The following KCNK10 variants were observed in gnomAD, a reference collection of about 807,000 sequenced individuals.
KCNK10 encodes potassium two pore domain channel subfamily K member 10.
A neutral mutation model predicts 47.7 loss-of-function variants in KCNK10; 25 were observed. The ratio of observed to expected loss-of-function variants is 0.52; its 90% CI spans 0.38 to 0.73. KCNK10 has a LOEUF of 0.73. Among genes scored for constraint, KCNK10 ranks in the 30% least tolerant of loss-of-function variants. The pLI, the probability that KCNK10 is intolerant of heterozygous loss-of-function variation, is 0.00. For synonymous variants in KCNK10, 303 were observed against 285.6 expected, an observed-to-expected ratio of 1.06 and a Z score of -0.61; for missense variants, 563 against 714.5, an observed-to-expected ratio of 0.79 and a Z score of 2.42.
intron 2 of KCNK10, among the ~76,000 whole-genome samples, chr14:88,253,044 G>C (rs1886843648): frequency 6.6e-6 from 1 of 152,162 alleles, no homozygotes; most frequent in Non-Finnish European, 1.5e-5. Context: ...CTCAAGTCCT[G>C]CTTTGGTCAC....
chr14:88,223,308 CTT>C (rs77234836), intron 4 of KCNK10, among the ~76,000 whole-genome samples: 96 of 134,806 alleles, frequency 7.1e-4, no homozygotes, highest in Non-Finnish European at 7.6e-4. Context: ...CTTTAAAAAC[CTT>C]TTTTTTTTTT....
At chr14:88,311,488 C>T (rs1245147518) in intron 1 of KCNK10, among the ~76,000 whole-genome samples, 21 of 152,158 alleles carry the variant, frequency 1.4e-4, no homozygotes, top group African/African-American at 4.8e-4. Flanking sequence ...GGCTCTCTTT[C>T]CTGTGCCTCA....
chr14:88,210,718 TC>T (rs1468796807), intron 4 of KCNK10, among the ~76,000 whole-genome samples: 1 of 151,362 alleles, frequency 6.6e-6, no homozygotes, highest in Non-Finnish European at 1.5e-5. Flanking sequence ...GCACAGCCTC[TC>T]CACTTAGTCC....
At chr14:88,267,884 C>CTGGG (rs1887305790) in intron 1 of KCNK10, among the ~76,000 whole-genome samples, 1 of 152,124 alleles carries the variant, frequency 6.6e-6, no homozygotes, top group Admixed American at 6.5e-5. Context: ...TGATGGCCTA[C>CTGGG]TGGGCACTTA....
chr14:88,286,245 C>T (rs542723273), intron 1 of KCNK10, among the ~76,000 whole-genome samples: 16 of 152,240 alleles, frequency 1.1e-4, no homozygotes, highest in South Asian at 2.1e-4. Context: ...AGGCCCCAGA[C>T]GTTGCAGAAT....
chr14:88,268,551 G>A (rs562660693), intron 1 of KCNK10, among the ~76,000 whole-genome samples: 2 of 152,350 alleles, frequency 1.3e-5, no homozygotes, highest in South Asian at 2.1e-4. Flanking sequence ...GTAGGAACAG[G>A]AAAAGAGGAA....
intron 4 of KCNK10, among the ~76,000 whole-genome samples, chr14:88,224,493 C>T (rs1286627217): frequency 6.6e-6 from 1 of 152,168 alleles, no homozygotes; most frequent in African/African-American, 2.4e-5. Flanking sequence ...CTAAGTAATC[C>T]AATATCCCTC....
At chr14:88,221,870 C>T (rs147253867) in intron 4 of KCNK10, among the ~76,000 whole-genome samples, 4 of 152,214 alleles carry the variant, frequency 2.6e-5, no homozygotes, top group African/African-American at 9.6e-5. Flanking sequence ...TATTCACCAC[C>T]CAGCAGAAAT....
chr14:88,218,575 A>G (rs1043453130), intron 4 of KCNK10, among the ~76,000 whole-genome samples: 4 of 152,066 alleles, frequency 2.6e-5, no homozygotes, highest in Non-Finnish European at 5.9e-5. Flanking sequence ...GAAAAAGAAA[A>G]AAAAAAAAAG....
intron 2 of KCNK10, among the ~76,000 whole-genome samples, chr14:88,242,623 G>A (rs1351676930): frequency 6.6e-6 from 1 of 152,194 alleles, no homozygotes; most frequent in Non-Finnish European, 1.5e-5. Flanking sequence ...GGCTGCATGG[G>A]ATGTGTACAG....
chr14:88,245,651 T>C (rs1358590358), intron 2 of KCNK10, among the ~76,000 whole-genome samples: 3 of 149,970 alleles, frequency 2.0e-5, no homozygotes, highest in Non-Finnish European at 2.9e-5. Context: ...TGAGATCATC[T>C]GTTTCTCTGT....
At chr14:88,294,016 C>T (rs1887934202) in intron 1 of KCNK10, among the ~76,000 whole-genome samples, 1 of 152,122 alleles carries the variant, frequency 6.6e-6, no homozygotes, top group South Asian at 2.1e-4. Context: ...CTACATCATT[C>T]TCTCAGCATC....
chr14:88,247,233 A>G (rs1886669537), intron 2 of KCNK10, among the ~76,000 whole-genome samples: 1 of 152,084 alleles, frequency 6.6e-6, no homozygotes, highest in Non-Finnish European at 1.5e-5. Flanking sequence ...CCAGCCTGGG[A>G]CACCCAGCTA....
At chr14:88,297,815 A>G (rs964770560) in intron 1 of KCNK10, among the ~76,000 whole-genome samples, 4 of 152,236 alleles carry the variant, frequency 2.6e-5, no homozygotes, top group African/African-American at 9.6e-5. Context: ...AAATAGATAA[A>G]TTAAAAAACA....
intron 4 of KCNK10, among the ~76,000 whole-genome samples, chr14:88,212,448 GAAA>G: frequency 6.9e-6 from 1 of 144,772 alleles, no homozygotes; most frequent in Non-Finnish European, 1.5e-5. Context: ...CTCAAAAAAA[GAAA>G]AAAAAAAGAT....
intron 1 of KCNK10, among the ~76,000 whole-genome samples, chr14:88,321,924 T>C (rs956195255): frequency 6.6e-6 from 1 of 152,250 alleles, no homozygotes; most frequent in Admixed American, 6.5e-5. Flanking sequence ...GCTCTCATAC[T>C]GATCACTCCC....
At chr14:88,214,505 C>T (rs1382487687) in intron 4 of KCNK10, among the ~76,000 whole-genome samples, 3 of 152,094 alleles carry the variant, frequency 2.0e-5, no homozygotes, top group Non-Finnish European at 4.4e-5. Flanking sequence ...CAGTATAGGC[C>T]CCTCTTTTAT....
intron 4 of KCNK10, among the ~76,000 whole-genome samples, chr14:88,203,778 C>T (rs61342605): frequency 0.02 from 3,108 of 152,152 alleles, 108 homozygotes; most frequent in African/African-American, 0.071. Context: ...TTGTCATGAA[C>T]GATCAGTGGT....
chr14:88,307,019 G>A (rs577712379), intron 1 of KCNK10, among the ~76,000 whole-genome samples: 64 of 152,234 alleles, frequency 4.2e-4, no homozygotes, highest in Non-Finnish European at 7.5e-4. Context: ...CACCCAGTGG[G>A]ACACACCCAT....
Sources: gnomAD v4.1 joint callset for allele counts (sites outside exome capture counted in the v4.1 genomes callset) on GRCh38, gnomAD v4.1.1 for gene constraint, MANE v1.5 for transcripts, NCBI Gene and HGNC (gene_info 2026-07-23, HGNC 2026-07-21) for gene names.